SLC24A2: variants seen among roughly 807,000 people sequenced by gnomAD.
The protein encoded by SLC24A2 is sodium/potassium/calcium exchanger 2.
SLC24A2 carries 36 observed loss-of-function variants against 62.0 expected under a neutral mutation model. The observed-to-expected ratio is 0.58, with a 90% CI of 0.44 to 0.77. The LOEUF is 0.77. Among genes scored for constraint, SLC24A2 ranks in the 30% least tolerant of loss-of-function variants. The probability of loss-of-function intolerance (pLI) is 0.00; values close to 1 mark genes in which losing one functional copy is unlikely to be tolerated. For synonymous variants in SLC24A2, 358 were observed against 294.0 expected (o/e 1.22, Z -2.23); for missense variants, 846 against 817.9 (o/e 1.03, Z -0.42).
At chr9:19,763,468 C>G (rs1822410405) in intron 2 of SLC24A2, among the ~76,000 whole-genome samples, 2 of 152,104 alleles carry the variant, frequency 1.3e-5, no homozygotes, top group Non-Finnish European at 2.9e-5. Flanking sequence ...ATAAATAGCT[C>G]TTATTATTTT....
chr9:19,526,779 T>C (rs1410038388), intron 9 of SLC24A2, among the ~76,000 whole-genome samples: 2 of 152,188 alleles, frequency 1.3e-5, no homozygotes, highest in Non-Finnish European at 2.9e-5. Context: ...GCAAATATTT[T>C]CTTCCAGCCT....
rs200103021 is a variant in SLC24A2, at chr9:19,528,034, C to T, written c.1569+15G>A. On this transcript the variant is annotated intron_variant, in intron 9 of 10. Coordinates refer to ENST00000341998, the MANE Select transcript of SLC24A2 (RefSeq NM_020344.4). ...AGAAAAACAAGGCAGAGGCATGTCA[C>T]TATCAAAATCTTACCTGGTGCGCCC... 231 of 1,486,936 alleles carry T rather than the reference C, an allele frequency of 1.6e-4. 3 individuals are homozygous for T. The East Asian group carries it at 5.2e-3, about 33-fold the overall frequency. The allele number at this position is 1,486,936 out of a possible 1,614,324, so 92.1% of individuals were successfully genotyped here.
chr9:20,271,996 C>T, the SLC24A2 span, among the ~76,000 whole-genome samples: 1 of 152,160 alleles, frequency 6.6e-6, no homozygotes, highest in East Asian at 1.9e-4. Flanking sequence ...TATTAGATCG[C>T]ATTCACTTTT....
At chr9:19,773,089 T>C (rs1822738883) in intron 2 of SLC24A2, among the ~76,000 whole-genome samples, 1 of 152,204 alleles carries the variant, frequency 6.6e-6, no homozygotes, top group Non-Finnish European at 1.5e-5. Flanking sequence ...TAAATTCATT[T>C]ATGTGAAATG....
chr9:19,532,353 C>T (rs1350428746), intron 8 of SLC24A2, among the ~76,000 whole-genome samples: 1 of 152,162 alleles, frequency 6.6e-6, no homozygotes, highest in Admixed American at 6.5e-5. Flanking sequence ...GCCTCGGCTT[C>T]CCAAAGTGCT....
chr9:19,996,094 A>G, the SLC24A2 span, among the ~76,000 whole-genome samples: 5 of 152,256 alleles, frequency 3.3e-5, no homozygotes, highest in Admixed American at 2.0e-4. Flanking sequence ...GTAACTGTGC[A>G]TGCATGAACT....
chr9:19,895,027 C>T, the SLC24A2 span, among the ~76,000 whole-genome samples: 12 of 151,946 alleles, frequency 7.9e-5, no homozygotes, highest in African/African-American at 2.9e-4. Context: ...TTTGAAAATC[C>T]CTTGCAAGTT....
the SLC24A2 span, among the ~76,000 whole-genome samples, chr9:19,919,959 C>A: frequency 1.3e-5 from 2 of 151,878 alleles, no homozygotes; most frequent in Non-Finnish European, 2.9e-5. Flanking sequence ...TATATCAGAG[C>A]CCAATATATT....
the SLC24A2 span, among the ~76,000 whole-genome samples, chr9:19,831,071 G>A: frequency 6.6e-6 from 1 of 152,152 alleles, no homozygotes; most frequent in Admixed American, 6.5e-5. Flanking sequence ...CTTTAACCTT[G>A]AACCCTTTTA....
chr9:19,555,226 G>C (rs1234945512), intron 7 of SLC24A2, among the ~76,000 whole-genome samples: 1 of 152,098 alleles, frequency 6.6e-6, no homozygotes, highest in Non-Finnish European at 1.5e-5. Context: ...TCTTTACAGT[G>C]CAAGTTTATC....
At chr9:20,243,592 A>G in the SLC24A2 span, among the ~76,000 whole-genome samples, 1 of 152,192 alleles carries the variant, frequency 6.6e-6, no homozygotes, top group Admixed American at 6.5e-5. Flanking sequence ...ACAGACACAC[A>G]CACTTACATG....
At chr9:20,065,983 A>G in the SLC24A2 span, among the ~76,000 whole-genome samples, 1 of 152,168 alleles carries the variant, frequency 6.6e-6, no homozygotes, top group South Asian at 2.1e-4. Context: ...ACAACTATAA[A>G]GGCTGGAGTC....
At chr9:20,234,712 T>G in the SLC24A2 span, among the ~76,000 whole-genome samples, 3 of 152,250 alleles carry the variant, frequency 2.0e-5, no homozygotes, top group Admixed American at 6.5e-5. Context: ...CATCTGAGCC[T>G]TCTTCTCTCA....
At chr9:19,760,367 ACTTTT>A (rs1459534750) in intron 2 of SLC24A2, among the ~76,000 whole-genome samples, 1 of 151,960 alleles carries the variant, frequency 6.6e-6, no homozygotes, top group Non-Finnish European at 1.5e-5. Flanking sequence ...AAATTTTCTT[ACTTTT>A]ATTTTTTTAT....
upstream of SLC24A2, among the ~76,000 whole-genome samples, chr9:19,790,600 A>G (rs1397596635): frequency 6.6e-6 from 1 of 151,396 alleles, no homozygotes; most frequent in African/African-American, 2.4e-5. Context: ...CTATTAATTG[A>G]TAATATTTTA....
chr9:20,283,250 G>A, the SLC24A2 span, among the ~76,000 whole-genome samples: 737 of 152,296 alleles, frequency 4.8e-3, 6 homozygotes, highest in African/African-American at 0.016. Flanking sequence ...GGATGTTGCC[G>A]TTTCTCAACA....
intron 9 of SLC24A2, among the ~76,000 whole-genome samples, chr9:19,526,518 T>G (rs1833453553): frequency 6.6e-6 from 1 of 152,152 alleles, no homozygotes; most frequent in Admixed American, 6.5e-5. Flanking sequence ...ACTTGTTAGG[T>G]TCTGTCTTTT....
chr9:19,528,023 G>C, intron 9 of SLC24A2, 26 bp downstream of exon 9: 1 of 1,383,898 alleles, frequency 7.2e-7, no homozygotes, highest in South Asian at 1.2e-5. Context: ...AAACAAGGCA[G>C]AGGCATGTCA....
At chr9:19,923,083 T>G in the SLC24A2 span, among the ~76,000 whole-genome samples, 280 of 151,976 alleles carry the variant, frequency 1.8e-3, no homozygotes, top group African/African-American at 6.3e-3. Context: ...GACATTTTTC[T>G]GGGACCTTAA....
Sources: gnomAD v4.1 joint callset for allele counts (sites outside exome capture counted in the v4.1 genomes callset) on GRCh38, gnomAD v4.1.1 for gene constraint, MANE v1.5 for transcripts, NCBI Gene and HGNC (gene_info 2026-07-23, HGNC 2026-07-21) for gene names.